Variants in UBE2V2 observed in about 807,000 individuals in gnomAD.
UBE2V2 encodes ubiquitin-conjugating enzyme E2 variant 2.
A neutral mutation model predicts 17.2 loss-of-function variants in UBE2V2; 9 were observed. The ratio of observed to expected loss-of-function variants is 0.52; its 90% confidence interval spans 0.32 to 0.91. UBE2V2 has a LOEUF of 0.91. UBE2V2 is among the 40% of genes least tolerant of loss of function. UBE2V2 has a pLI of 0.04. For synonymous variants in UBE2V2, 61 were observed against 57.5 expected (o/e 1.06, Z -0.28); for missense variants, 133 against 182.6 (o/e 0.73, Z 1.56).
chr8:48,039,911 G>A (rs1204473674), intron 1 of UBE2V2, among the ~76,000 whole-genome samples: 6 of 151,904 alleles, frequency 3.9e-5, no homozygotes, highest in Non-Finnish European at 1.5e-5. Flanking sequence ...TGTATTTTTT[G>A]TAGAGATGGG....
Position 48,034,665 on chromosome 8 carries a change from G to A in UBE2V2, c.17-8368G>A, listed in dbSNP as rs143481723. ...TTAAATTATGTGACATAGTTTGCCT[G>A]AATGTATACCAATTGGCTTCTTAAG... On this transcript the variant is annotated intron_variant, in intron 1 of 3. Transcript: ENST00000523111. Among the ~76,000 whole-genome samples, 301 of 151,028 alleles carry A rather than the reference G, an allele frequency of 2.0e-3. 2 individuals carry two copies. The highest frequency in any genetic ancestry group is 6.9e-3 in the African/African-American group (285 of 41,094).
chr8:47,998,377 T>C, the UBE2V2 span, among the ~76,000 whole-genome samples: 2 of 151,814 alleles, frequency 1.3e-5, no homozygotes, highest in Non-Finnish European at 2.9e-5. Context: ...TTCCCTTTCC[T>C]GGGGAACTTG....
intron 1 of UBE2V2, among the ~76,000 whole-genome samples, chr8:48,028,315 G>A (rs1173590331): frequency 6.7e-6 from 1 of 149,822 alleles, no homozygotes; most frequent in East Asian, 2.0e-4. Context: ...TTACAGGTGT[G>A]TGCCACCACA....
rs756598001 is a variant in UBE2V2, at chr8:48,049,866, A to G, written c.179A>G (p.Asn60Ser). 3 of 1,592,298 alleles carry G rather than the reference A, an allele frequency of 1.9e-6. No homozygotes were observed. Among genetic ancestry groups the G allele is most frequent in the South Asian group, 2.3e-5 (2 of 86,510 alleles). Reference protein sequence around the residue: ...IIGPPRTNYENRIYSLKVECG... With the variant: ...IIGPPRTNYESRIYSLKVECG... ...TTTGCCTTCCAGACAAATTATGAAA[A>G]CAGAATATATAGCCTGAAAGTAGAA... Residue 60 changes from asparagine to serine, a missense_variant, in exon 3 of 4, where the codon AAC becomes AGC. Transcript: ENST00000523111.
chr8:48,048,168 C>T (rs545792423), intron 2 of UBE2V2, among the ~76,000 whole-genome samples: 3 of 152,172 alleles, frequency 2.0e-5, no homozygotes, highest in African/African-American at 7.2e-5. Context: ...GAGAGATTTG[C>T]GTGTTGTAGA....
chr8:48,028,725 A>G (rs2091363387), intron 1 of UBE2V2, among the ~76,000 whole-genome samples: 1 of 152,112 alleles, frequency 6.6e-6, no homozygotes, highest in South Asian at 2.1e-4. Context: ...ACCTCAAGTG[A>G]TCTGCCTACC....
upstream of UBE2V2, among the ~76,000 whole-genome samples, chr8:48,006,448 G>A (rs1371065346): frequency 6.6e-6 from 1 of 152,122 alleles, no homozygotes; most frequent in African/African-American, 2.4e-5. Context: ...CAGGTAGGTA[G>A]TGTGATGCCT....
At chr8:48,054,960 C>A (rs1335174940) in intron 3 of UBE2V2, among the ~76,000 whole-genome samples, 1 of 150,404 alleles carries the variant, frequency 6.6e-6, no homozygotes, top group African/African-American at 2.4e-5. Flanking sequence ...GTTGGTATTT[C>A]ACAGGATTTG....
At chr8:48,009,267 CTTT>C (rs143794770) in intron 1 of UBE2V2, among the ~76,000 whole-genome samples, 16 of 133,752 alleles carry the variant, frequency 1.2e-4, no homozygotes, top group Admixed American at 4.6e-4. Context: ...CTTTTCTTTT[CTTT>C]TTTTTTTTTT....
chr8:48,052,879 C>T (rs956958621), intron 3 of UBE2V2, among the ~76,000 whole-genome samples: 13 of 152,180 alleles, frequency 8.5e-5, no homozygotes, highest in African/African-American at 2.9e-4. Flanking sequence ...TGGCTAACTC[C>T]TATGGGTCCT....
chr8:48,017,014 C>T (rs1462834499), intron 1 of UBE2V2, among the ~76,000 whole-genome samples: 9 of 152,028 alleles, frequency 5.9e-5, no homozygotes, highest in South Asian at 2.1e-4. Context: ...TGGTCTCAAA[C>T]GCCCGACCTC....
At chr8:48,055,316 C>A (rs1039114849) in intron 3 of UBE2V2, among the ~76,000 whole-genome samples, 3 of 151,424 alleles carry the variant, frequency 2.0e-5, no homozygotes, top group African/African-American at 7.3e-5. Context: ...TCTCCTGCCT[C>A]AGCCTCCCTA....
At chr8:48,046,779 G>T (rs1198140996) in intron 2 of UBE2V2, among the ~76,000 whole-genome samples, 2 of 151,566 alleles carry the variant, frequency 1.3e-5, no homozygotes, top group South Asian at 2.1e-4. Context: ...GTGTGTGTGT[G>T]TGTAGAGATG....
At chr8:48,045,118 C>A (rs1226921474) in intron 2 of UBE2V2, among the ~76,000 whole-genome samples, 1 of 152,182 alleles carries the variant, frequency 6.6e-6, no homozygotes, top group Non-Finnish European at 1.5e-5. Context: ...AGACAAAATG[C>A]TACTGTGGTC....
chr8:48,022,659 C>G (rs778889073), intron 1 of UBE2V2, among the ~76,000 whole-genome samples: 7 of 152,116 alleles, frequency 4.6e-5, no homozygotes, highest in Non-Finnish European at 1.0e-4. Flanking sequence ...TGAAGAACTT[C>G]CCATAGCATT....
At chr8:48,058,970 G>A (rs1404331601) in intron 3 of UBE2V2, among the ~76,000 whole-genome samples, 2 of 151,912 alleles carry the variant, frequency 1.3e-5, no homozygotes, top group African/African-American at 2.4e-5. Flanking sequence ...GCAGTGTCAC[G>A]ATCTCAGCTC....
chr8:48,018,963 G>A (rs1327460282), intron 1 of UBE2V2, among the ~76,000 whole-genome samples: 1 of 152,238 alleles, frequency 6.6e-6, no homozygotes, highest in East Asian at 1.9e-4. Flanking sequence ...AGGCATAGTG[G>A]CTCATGCCTG....
chr8:48,007,035 C>G (rs2091187987), upstream of UBE2V2, among the ~76,000 whole-genome samples: 1 of 151,734 alleles, frequency 6.6e-6, no homozygotes, highest in Non-Finnish European at 1.5e-5. Context: ...GGCCTGCCAC[C>G]ATGCCTGGCT....
intron 2 of UBE2V2, 81 bp downstream of exon 2, chr8:48,043,262 TA>T: frequency 9.2e-7 from 1 of 1,092,624 alleles, no homozygotes; most frequent in Admixed American, 3.1e-5. Context: ...GATATTAAAA[TA>T]AGCAATTATG....
Sources: gnomAD v4.1 joint callset for allele counts (sites outside exome capture counted in the v4.1 genomes callset) on GRCh38, gnomAD v4.1.1 for gene constraint, MANE v1.5 for transcripts, NCBI Gene and HGNC (gene_info 2026-07-23, HGNC 2026-07-21) for gene names.